Variants in TMEM59 observed in about 807,000 individuals in gnomAD.
TMEM59 encodes the protein dendritic cell factor 1.
In TMEM59, 44 loss-of-function variants were observed where a neutral mutation model predicts 42.2. The ratio of observed to expected loss-of-function variants is 1.04; its 90% CI spans 0.82 to 1.34. The LOEUF is 1.34. Ranked by LOEUF, TMEM59 falls within the 40% of genes most tolerant of loss-of-function variation. TMEM59 has a pLI of 0.00. For missense variants in TMEM59, 359 were observed against 382.8 expected, an observed-to-expected ratio of 0.94 and a Z score of 0.52; for synonymous variants, 148 against 145.8, an observed-to-expected ratio of 1.02 and a Z score of -0.11.
rs1238956654 is a variant in TMEM59, at chr1:54,028,277, A to C, written c.*3873T>G. ...GGAGCAGAGAGAGCGTTATAGAGAA[A>C]AGTTTAAAAATATAAGTAAAATGAA... is the stretch of plus-strand genomic sequence containing the variant. On this transcript the variant is annotated 3_prime_UTR_variant, in exon 8 of 8. Transcript: ENST00000234831. 6.6e-6 allele frequency: 1 copy of C among 152,182 alleles called. No individual in the cohort carries two copies. Among genetic ancestry groups the C allele is most frequent in the Non-Finnish European group, 1.5e-5 (1 of 68,028 alleles). The allele number at this position is 152,182 out of a possible 1,614,324, so 9.4% of individuals were successfully genotyped here.
intron 1 of TMEM59, among the ~76,000 whole-genome samples, chr1:54,050,044 A>G (rs1300986552): frequency 6.6e-6 from 1 of 152,206 alleles, no homozygotes; most frequent in Non-Finnish European, 1.5e-5. Context: ...ACATAGAATA[A>G]TTTAAAAATA....
chr1:54,036,693 T>C lies in TMEM59; in HGVS notation c.733A>G (p.Thr245Ala). Reference protein sequence around the residue: ...SLNSGWILTTTLVLSVMVLLW... With the variant: ...SLNSGWILTTALVLSVMVLLW... Reference sequence around the variant, plus strand: ...AATACCATCACCGAGAGGACAAGAGTTGTAGTTAAAATCCACCCAGAGTTA... The same window carrying C: ...AATACCATCACCGAGAGGACAAGAGCTGTAGTTAAAATCCACCCAGAGTTA... Residue 245 changes from threonine (T) to alanine (A), a missense_variant, in exon 7 of 8, where the codon ACT (threonine) becomes GCT (alanine). Thr to Ala is a moderately conservative substitution (Grantham distance 58). Coordinates refer to ENST00000234831, the MANE Select transcript of TMEM59 (RefSeq NM_004872.5). 1.3e-6 allele frequency: 2 copies of C among 1,582,796 alleles called. No individual in the cohort carries two copies. The highest frequency in any genetic ancestry group is 1.2e-5 in the South Asian group (1 of 86,394).
chr1:54,052,525 G>A (rs1200802740), intron 1 of TMEM59, among the ~76,000 whole-genome samples: 1 of 152,142 alleles, frequency 6.6e-6, no homozygotes, highest in Non-Finnish European at 1.5e-5. Flanking sequence ...TACCACAGTG[G>A]AATCGTCTAC....
At chr1:54,053,458 G>A (rs955464860), upstream of TMEM59, 11 of 472,078 alleles carry the variant, frequency 2.3e-5, no homozygotes, top group African/African-American at 1.8e-4. Context: ...TTCCCTTCGC[G>A]GGGCAGGCTG....
chr1:54,041,974 A>G (rs1306816705), intron 4 of TMEM59, among the ~76,000 whole-genome samples, 169 bp from the exon 5 acceptor site: 2 of 152,128 alleles, frequency 1.3e-5, no homozygotes, highest in East Asian at 1.9e-4. Context: ...TGCACTTCCT[A>G]AACATCAGAG....
At chr1:54,044,029 T>C (rs1569956473) in intron 3 of TMEM59, 1 of 152,054 alleles carries the variant, frequency 6.6e-6, no homozygotes, top group Non-Finnish European at 1.5e-5. Flanking sequence ...ATGGGCTGAA[T>C]ATATGTAGTA....
intron 5 of TMEM59, 77 bp from the exon 6 acceptor site, chr1:54,040,914 T>C: frequency 9.0e-7 from 1 of 1,111,138 alleles, no homozygotes; most frequent in South Asian, 1.3e-5. Context: ...TCTAGATATA[T>C]ACACTTTACA....
At chr1:54,051,911 C>T (rs1657554290) in intron 1 of TMEM59, among the ~76,000 whole-genome samples, 3 of 152,122 alleles carry the variant, frequency 2.0e-5, no homozygotes, top group South Asian at 4.1e-4. Flanking sequence ...CTGAGAAGTG[C>T]CGGCACTTAG....
chr1:54,043,688 C>T (rs993873784), intron 3 of TMEM59, 163 bp from the exon 4 acceptor site: 31 of 361,038 alleles, frequency 8.6e-5, no homozygotes, highest in Non-Finnish European at 6.9e-5. Flanking sequence ...GTTATCTATG[C>T]ACATTATGGT....
Position 54,030,260 on chromosome 1 carries a change from C to T in TMEM59, c.*1890G>A, listed in dbSNP as rs1224818110. 3 of 152,042 alleles carry T rather than the reference C, an allele frequency of 2.0e-5. No individual in the cohort carries two copies. Among genetic ancestry groups the T allele is most frequent in the African/African-American group, 7.2e-5 (3 of 41,400 alleles). 9.4% of individuals were successfully genotyped at this position (152,042 alleles called of 1,614,324 possible). ...TTTTATAAGGGAGGGTCTTTTCTAACAGTGGGCTCTTTGATTCCTGTGAGA... is the reference window on the plus strand; with the variant it reads ...TTTTATAAGGGAGGGTCTTTTCTAATAGTGGGCTCTTTGATTCCTGTGAGA... On this transcript the variant is annotated 3_prime_UTR_variant, in exon 8 of 8. Transcript: ENST00000234831.
intron 2 of TMEM59, 77 bp downstream of exon 2, chr1:54,047,190 T>C (rs1657368579): frequency 7.3e-6 from 9 of 1,227,908 alleles, no homozygotes; most frequent in Non-Finnish European, 1.0e-5. Flanking sequence ...TTCCATTTCC[T>C]AAAGAAAATA....
chr1:54,028,077 C>T lies in TMEM59; in HGVS notation c.*4073G>A, dbSNP rs1656656556. The T allele has an allele frequency of 6.6e-6, 1 of 152,178 alleles. No individual in the cohort carries two copies. Among genetic ancestry groups the T allele is most frequent in the South Asian group, 2.1e-4 (1 of 4,818 alleles). 9.4% of individuals were successfully genotyped at this position (152,178 alleles called of 1,614,324 possible). ...AACTGGAAACCTGGTGGGAGGGGCG[C>T]AAGAGCACGCTGGCTTCCTAGAGAC... On this transcript the variant is annotated 3_prime_UTR_variant, in exon 8 of 8. Coordinates refer to ENST00000234831, the MANE Select transcript of TMEM59 (RefSeq NM_004872.5).
At chr1:54,045,872 T>A (rs556927563) in intron 2 of TMEM59, 86 bp from the exon 3 acceptor site, 9 of 1,206,406 alleles carry the variant, frequency 7.5e-6, no homozygotes, top group South Asian at 4.9e-5. Flanking sequence ...ATTAAAAAAA[T>A]TTTTATACTT....
intron 7 of TMEM59, among the ~76,000 whole-genome samples, chr1:54,036,088 A>G (rs779818999): frequency 8.5e-5 from 13 of 152,220 alleles, no homozygotes; most frequent in Non-Finnish European, 1.8e-4. Context: ...GTTCAGGACC[A>G]GACTGGTCAA....
chr1:54,049,165 G>C (rs927755879), intron 1 of TMEM59, among the ~76,000 whole-genome samples: 4 of 152,188 alleles, frequency 2.6e-5, no homozygotes, highest in Non-Finnish European at 5.9e-5. Flanking sequence ...ATCGGCCCTG[G>C]TTTGAAGCTC....
intron 6 of TMEM59, among the ~76,000 whole-genome samples, chr1:54,038,398 G>A (rs1170692647): frequency 2.0e-5 from 3 of 152,212 alleles, no homozygotes; most frequent in African/African-American, 7.2e-5. Flanking sequence ...TATGAGACAT[G>A]TGTAGGACTG....
At position 54,048,541 on chromosome 1, in the gene TMEM59, T is replaced by C. The variant is rs1374873426; in HGVS notation, c.190-1169A>G. 5 of 268,802 alleles carry C rather than the reference T, an allele frequency of 1.9e-5. No individual in the cohort carries two copies. In the East Asian group the frequency reaches 5.5e-4, roughly 30 times the overall value. The allele number at this position is 268,802 out of a possible 1,614,324, so 16.7% of individuals were successfully genotyped here. On this transcript the variant is annotated intron_variant, in intron 1 of 7. Coordinates refer to ENST00000234831, the MANE Select transcript of TMEM59 (RefSeq NM_004872.5). Reference sequence around the variant, plus strand: ...GGATGGACATCTGGTTCTTCATTACTGTAAAATATTAACTGCTTAATAAGA... The same window carrying C: ...GGATGGACATCTGGTTCTTCATTACCGTAAAATATTAACTGCTTAATAAGA...
Position 54,032,013 on chromosome 1 carries a change from T to TCCC in TMEM59, c.*136_*137insGGG, listed in dbSNP as rs767652255. The TCCC allele has an allele frequency of 4.3e-6, 3 of 691,894 alleles. No individual in the cohort carries two copies. Among genetic ancestry groups the TCCC allele is most frequent in the Non-Finnish European group, 6.4e-6 (3 of 468,590 alleles). 42.9% of individuals were successfully genotyped at this position (691,894 alleles called of 1,614,324 possible). A position where few individuals can be genotyped will look rare whatever the true frequency, so the allele number is the denominator to read the frequency against. On this transcript the variant is annotated 3_prime_UTR_variant, in exon 8 of 8. Transcript: ENST00000234831. ...ACCAATAAAGTTATAGCAAATACAG[T>TCCC]CTTCACAGATTTGAGTAACTTTATT... is the stretch of plus-strand genomic sequence containing the variant.
chr1:54,045,871 A>T, intron 2 of TMEM59, 85 bp from the exon 3 acceptor site: 3 of 1,218,868 alleles, frequency 2.5e-6, no homozygotes, highest in Non-Finnish European at 3.4e-6. Flanking sequence ...TATTAAAAAA[A>T]TTTTTATACT....
Sources: gnomAD v4.1 joint callset for allele counts (sites outside exome capture counted in the v4.1 genomes callset) on GRCh38, gnomAD v4.1.1 for gene constraint, MANE v1.5 for transcripts, NCBI Gene and HGNC (gene_info 2026-07-23, HGNC 2026-07-21) for gene names.